Variants in ENPP6 observed in about 807,000 individuals in gnomAD.
The protein encoded by ENPP6 is glycerophosphocholine cholinephosphodiesterase ENPP6.
A neutral mutation model predicts 42.0 loss-of-function variants in ENPP6; 32 were observed. The ratio of observed to expected loss-of-function variants is 0.76; its 90% confidence interval spans 0.58 to 1.02. The LOEUF (loss-of-function observed/expected upper bound fraction) is 1.02. Among genes scored for constraint, ENPP6 ranks in the 50% least tolerant of loss-of-function variants. The pLI, the probability that ENPP6 is intolerant of heterozygous loss-of-function variation, is 0.00. For synonymous variants in ENPP6, 213 were observed against 216.0 expected, an observed-to-expected ratio of 0.99 and a Z score of 0.12; for missense variants, 552 against 566.8, an observed-to-expected ratio of 0.97 and a Z score of 0.27.
intron 2 of ENPP6, among the ~76,000 whole-genome samples, chr4:184,131,156 T>C (rs1437244192): frequency 1.9e-5 from 1 of 51,350 alleles, no homozygotes; most frequent in Non-Finnish European, 4.0e-5. Context: ...TTTCTTTCTT[T>C]CTTTCTTTCT....
chr4:184,190,701 C>T (rs1732701861), intron 1 of ENPP6, among the ~76,000 whole-genome samples: 1 of 151,966 alleles, frequency 6.6e-6, no homozygotes, highest in Non-Finnish European at 1.5e-5. Context: ...TCAGACCCTG[C>T]CCTCATTGGG....
chr4:184,120,423 G>T (rs1481641213), intron 3 of ENPP6, among the ~76,000 whole-genome samples: 1 of 152,196 alleles, frequency 6.6e-6, no homozygotes, highest in East Asian at 1.9e-4. Flanking sequence ...CACTGTTCCG[G>T]CAGCCAAGTT....
At chr4:184,128,108 G>C (rs1377687601) in intron 2 of ENPP6, among the ~76,000 whole-genome samples, 1 of 152,144 alleles carries the variant, frequency 6.6e-6, no homozygotes, top group Admixed American at 6.6e-5. Context: ...GAAGCAACCA[G>C]GAAGCATTAA....
intron 2 of ENPP6, among the ~76,000 whole-genome samples, chr4:184,145,423 C>T (rs1483720142): frequency 6.6e-6 from 1 of 152,126 alleles, no homozygotes; most frequent in Non-Finnish European, 1.5e-5. Context: ...CCTGAGGCAG[C>T]GCTCAATTGA....
In ENPP6 at chr4:184,089,006, G is replaced by T. The variant is rs1238598170; in HGVS notation, c.*2171C>A. ...ATTTAATCATTTGAGTATCTCTTAG[G>T]GATTCTTCCTCCACAGTGGAGGAAA... On this transcript the variant is annotated 3_prime_UTR_variant, in exon 8 of 8. Transcript: ENST00000296741. 1 of 152,086 alleles carries T rather than the reference G, an allele frequency of 6.6e-6. No individual in the cohort carries two copies. Among genetic ancestry groups the T allele is most frequent in the African/African-American group, 2.4e-5 (1 of 41,418 alleles). The allele number at this position is 152,086 out of a possible 1,614,324, so 9.4% of individuals were successfully genotyped here.
intron 2 of ENPP6, among the ~76,000 whole-genome samples, chr4:184,125,548 C>T (rs904054286): frequency 1.6e-4 from 24 of 152,092 alleles, no homozygotes; most frequent in African/African-American, 5.8e-4. Context: ...AACCCCACCC[C>T]TGGGTACATC....
intron 2 of ENPP6, among the ~76,000 whole-genome samples, chr4:184,143,970 C>G (rs748972725): frequency 6.6e-6 from 1 of 152,222 alleles, no homozygotes; most frequent in Non-Finnish European, 1.5e-5. Context: ...TCTGTCCCAC[C>G]ACAGCGAAGT....
At chr4:184,208,263 G>T (rs1315673170) in intron 1 of ENPP6, among the ~76,000 whole-genome samples, 1 of 152,092 alleles carries the variant, frequency 6.6e-6, no homozygotes, top group African/African-American at 2.4e-5. Context: ...GAACAGCTCT[G>T]GTCTACAGCT....
intron 2 of ENPP6, among the ~76,000 whole-genome samples, chr4:184,127,145 A>G (rs1006723233): frequency 1.3e-5 from 2 of 152,218 alleles, no homozygotes; most frequent in African/African-American, 2.4e-5. Context: ...ACGTAAAAGT[A>G]AAACATATGA....
In ENPP6 at chr4:184,193,278, T is replaced by G. The variant is rs575937367; in HGVS notation, c.241+24301A>C. Among the ~76,000 whole-genome samples, 6 of 152,322 alleles carry G rather than the reference T, an allele frequency of 3.9e-5. No homozygotes were observed. In the East Asian group the frequency reaches 1.2e-3, roughly 29 times the overall value. ...GAATGAATAAGCAAAATGTGGCCTA[T>G]CCACACAGTGCAATAGTTGGCAATA... On this transcript the variant is annotated intron_variant, in intron 1 of 7. Transcript: ENST00000296741.
intron 1 of ENPP6, among the ~76,000 whole-genome samples, chr4:184,178,947 C>T (rs574832260): frequency 6.6e-6 from 1 of 152,312 alleles, no homozygotes; most frequent in Non-Finnish European, 1.5e-5. Context: ...ACCAATGACA[C>T]TATGAAGCAA....
chr4:184,145,659 C>T (rs539211453), intron 2 of ENPP6, among the ~76,000 whole-genome samples: 2 of 152,196 alleles, frequency 1.3e-5, no homozygotes, highest in African/African-American at 2.4e-5. Context: ...CATCAGTGAA[C>T]GGCATAGGCA....
At chr4:184,126,505 A>G (rs1736505510) in intron 2 of ENPP6, among the ~76,000 whole-genome samples, 1 of 152,248 alleles carries the variant, frequency 6.6e-6, no homozygotes, top group African/African-American at 2.4e-5. Context: ...GGCTAAAGGT[A>G]GGATAGGAGA....
chr4:184,137,768 G>T (rs1235515960), intron 2 of ENPP6, among the ~76,000 whole-genome samples: 1 of 152,134 alleles, frequency 6.6e-6, no homozygotes, highest in Non-Finnish European at 1.5e-5. Context: ...TCCTTGGTGG[G>T]CCCTGAACTC....
intron 1 of ENPP6, among the ~76,000 whole-genome samples, chr4:184,192,628 A>G: frequency 6.6e-6 from 1 of 152,256 alleles, no homozygotes; most frequent in East Asian, 1.9e-4. Flanking sequence ...GCTTTTGTAC[A>G]GCAAGACATC....
intron 7 of ENPP6, among the ~76,000 whole-genome samples, chr4:184,093,022 G>A (rs541903988): frequency 9.2e-5 from 14 of 152,162 alleles, no homozygotes; most frequent in African/African-American, 1.2e-4. Context: ...TAGATCCAGG[G>A]CAACTGCCCA....
chr4:184,141,342 A>G (rs1579631412), intron 2 of ENPP6, among the ~76,000 whole-genome samples: 1 of 152,182 alleles, frequency 6.6e-6, no homozygotes, highest in Admixed American at 6.5e-5. Context: ...CACAGGGAGC[A>G]TGGAATCTGG....
At chr4:184,153,436 T>C (rs1002327124) in intron 2 of ENPP6, 118 bp downstream of exon 2, 1 of 1,217,532 alleles carries the variant, frequency 8.2e-7, no homozygotes, top group Non-Finnish European at 1.1e-6. Flanking sequence ...TACATATTTC[T>C]TAAATAAAGA....
At chr4:184,124,911 G>C (rs898930299) in intron 2 of ENPP6, among the ~76,000 whole-genome samples, 3 of 152,082 alleles carry the variant, frequency 2.0e-5, no homozygotes, top group Non-Finnish European at 2.9e-5. Context: ...TCCTGGACAA[G>C]TAGAAGTAGT....
Sources: gnomAD v4.1 joint callset for allele counts (sites outside exome capture counted in the v4.1 genomes callset) on GRCh38, gnomAD v4.1.1 for gene constraint, MANE v1.5 for transcripts, NCBI Gene and HGNC (gene_info 2026-07-23, HGNC 2026-07-21) for gene names.